The following FAM135A variants were observed in gnomAD, a reference collection of about 807,000 sequenced individuals.
The protein encoded by FAM135A is family with sequence similarity 135 member A.
Under a neutral mutation model 146.8 loss-of-function variants are expected in FAM135A, and 79 were observed. The ratio of observed to expected loss-of-function variants is 0.54; its 90% confidence interval spans 0.45 to 0.65. The LOEUF (loss-of-function observed/expected upper bound fraction) is 0.65, where lower values mean the gene tolerates loss of function less well. Ranked by LOEUF, FAM135A falls within the 30% of genes least tolerant of loss-of-function variation. The pLI, the probability that FAM135A is intolerant of heterozygous loss-of-function variation, is 0.00. For missense variants in FAM135A, 1,623 were observed against 1,758.2 expected (o/e 0.92, Z 1.38); for synonymous variants, 562 against 603.6 (o/e 0.93, Z 1.01).
chr6:70,439,803 A>G (rs1774043878), intron 4 of FAM135A, among the ~76,000 whole-genome samples: 2 of 152,160 alleles, frequency 1.3e-5, no homozygotes, highest in South Asian at 4.2e-4. Context: ...TCTTTAATGG[A>G]AAGTTTCAAA....
chr6:70,552,208 A>T (rs1198651244), intron 20 of FAM135A, among the ~76,000 whole-genome samples: 1 of 152,220 alleles, frequency 6.6e-6, no homozygotes, highest in Non-Finnish European at 1.5e-5. Flanking sequence ...ATGAATTTTC[A>T]GAAAGAACAG....
chr6:70,507,802 T>C (rs909323718), intron 12 of FAM135A, among the ~76,000 whole-genome samples: 2 of 152,024 alleles, frequency 1.3e-5, no homozygotes, highest in African/African-American at 4.8e-5. Context: ...TTATGATAAG[T>C]GAATAATGTC....
chr6:70,539,777 C>T (rs1010226961), intron 20 of FAM135A, among the ~76,000 whole-genome samples: 17 of 152,178 alleles, frequency 1.1e-4, no homozygotes, highest in Admixed American at 9.2e-4. Flanking sequence ...GGGCGGATCA[C>T]GAGGTCAGGA....
At chr6:70,494,151 A>G (rs753807519) in intron 11 of FAM135A, among the ~76,000 whole-genome samples, 3 of 152,034 alleles carry the variant, frequency 2.0e-5, no homozygotes, top group African/African-American at 7.2e-5. Flanking sequence ...GTATGAAACT[A>G]TATATTGTTT....
intron 5 of FAM135A, 57 bp from the exon 6 acceptor site, chr6:70,475,353 A>G: frequency 7.3e-7 from 1 of 1,376,614 alleles, no homozygotes; most frequent in South Asian, 1.4e-5. Context: ...ACAAGTGTTA[A>G]TTTGCTTGTG....
At chr6:70,454,755 C>T (rs952610885) in intron 5 of FAM135A, among the ~76,000 whole-genome samples, 7 of 152,012 alleles carry the variant, frequency 4.6e-5, no homozygotes, top group Non-Finnish European at 1.0e-4. Context: ...CTGTTCTGTT[C>T]CATTGGTCTA....
intron 14 of FAM135A, 63 bp from the exon 15 acceptor site, chr6:70,524,280 T>A (rs1794229631): frequency 2.1e-6 from 3 of 1,430,584 alleles, no homozygotes; most frequent in Non-Finnish European, 2.8e-6. Context: ...GAAAAAGAAG[T>A]CTTAATCATA....
chr6:70,466,173 A>G (rs1363646961), intron 5 of FAM135A, among the ~76,000 whole-genome samples: 1 of 152,188 alleles, frequency 6.6e-6, no homozygotes, highest in Non-Finnish European at 1.5e-5. Context: ...TATGAAATAT[A>G]TTGCACATTT....
chr6:70,414,111 T>C (rs762300657), intron 1 of FAM135A: 18 of 924,154 alleles, frequency 1.9e-5, no homozygotes, highest in African/African-American at 3.6e-5. Context: ...ACGTGTCTTT[T>C]TGCCCGGGTG....
chr6:70,548,341 T>C (rs1799217812), intron 20 of FAM135A, among the ~76,000 whole-genome samples: 1 of 152,210 alleles, frequency 6.6e-6, no homozygotes, highest in African/African-American at 2.4e-5. Flanking sequence ...AAGTTTAAAA[T>C]GCATTTTTAA....
intron 20 of FAM135A, among the ~76,000 whole-genome samples, chr6:70,554,021 G>T (rs527622188): frequency 2.0e-5 from 3 of 152,280 alleles, no homozygotes; most frequent in Non-Finnish European, 4.4e-5. Context: ...ATAGAATTTG[G>T]TGTTAGGCAT....
At chr6:70,414,665 T>C (rs1767147565) in intron 1 of FAM135A, among the ~76,000 whole-genome samples, 1 of 152,258 alleles carries the variant, frequency 6.6e-6, no homozygotes, top group South Asian at 2.1e-4. Flanking sequence ...TTCTAGTTCA[T>C]CTTCCAGTTT....
intron 7 of FAM135A, among the ~76,000 whole-genome samples, chr6:70,476,033 T>C (rs1245507044): frequency 6.6e-6 from 1 of 152,248 alleles, no homozygotes; most frequent in Non-Finnish European, 1.5e-5. Flanking sequence ...GTAAATGAGC[T>C]CTTTTCCACT....
chr6:70,552,536 T>C (rs1217872831), intron 20 of FAM135A, among the ~76,000 whole-genome samples: 2 of 150,462 alleles, frequency 1.3e-5, no homozygotes, highest in Non-Finnish European at 3.0e-5. Flanking sequence ...TGGCGTGATC[T>C]TGGCTCACTG....
Position 70,536,398 on chromosome 6 carries a change from T to C in FAM135A, c.4104T>C (p.Ala1368=), listed in dbSNP as rs759373059. Residue 1368 remains alanine (A), a synonymous_variant, in exon 19 of 22, where the codon GCT becomes GCC. Coordinates refer to ENST00000418814, the MANE Select transcript of FAM135A (RefSeq NM_001162529.3). ...TTGGTACACTCTACAACAGCAGTGC[T>C]CTTGTTAATACAGGTAAAAAGTTTT... The part of the protein sequence containing the change: ...PHLGTLYNSS[A]LVNTGLWFMQ... 4 of 1,602,842 alleles carry C rather than the reference T, an allele frequency of 2.5e-6. No homozygotes were observed. The highest frequency in any genetic ancestry group is 3.4e-6 in the Non-Finnish European group (4 of 1,176,066).
Position 70,481,043 on chromosome 6 carries a change from G to T in FAM135A, c.669+16G>T. The stretch of plus-strand genomic sequence containing the variant: ...ATCACCAGATGTAAGAACTGAATAT[G>T]TTTATAAATCTTCTCCTTATTTTAA... On this transcript the variant is annotated intron_variant, in intron 9 of 21. Coordinates refer to ENST00000418814, the MANE Select transcript of FAM135A (RefSeq NM_001162529.3). The T allele has an allele frequency of 6.5e-7, 1 of 1,549,806 alleles. No individual in the cohort carries two copies. Among genetic ancestry groups the T allele is most frequent in the Non-Finnish European group, 8.7e-7 (1 of 1,150,412 alleles).
chr6:70,431,263 C>G (rs1295116000), intron 4 of FAM135A, among the ~76,000 whole-genome samples: 1 of 152,088 alleles, frequency 6.6e-6, no homozygotes, highest in African/African-American at 2.4e-5. Flanking sequence ...TATTTTTGCT[C>G]CTAAGTCTGT....
rs763239117 is a variant in FAM135A, at chr6:70,477,184, CTAA to C, written c.398_400del (p.Ile133del). The C allele has an allele frequency of 2.7e-5, 43 of 1,613,334 alleles. 2 individuals are homozygous for C. Among genetic ancestry groups the C allele is most frequent in the Non-Finnish European group, 5.9e-6 (7 of 1,179,634 alleles). ...GGCAGATGATCTGAATGCCTTGCAA[CTAA>C]TAAGTAGCCGAACATTGAAGCTGCA... On this transcript the variant is annotated inframe_deletion, in exon 8 of 22. Transcript: ENST00000418814.
At chr6:70,533,292 G>A in intron 17 of FAM135A, 41 bp downstream of exon 17, 1 of 1,528,888 alleles carries the variant, frequency 6.5e-7, no homozygotes, top group Non-Finnish European at 8.9e-7. Context: ...AAACATTTTT[G>A]TACCAGTTTC....
Sources: gnomAD v4.1 joint callset for allele counts (sites outside exome capture counted in the v4.1 genomes callset) on GRCh38, gnomAD v4.1.1 for gene constraint, MANE v1.5 for transcripts, NCBI Gene and HGNC (gene_info 2026-07-23, HGNC 2026-07-21) for gene names.